MAP3K5: variants seen among roughly 807,000 people sequenced by gnomAD.
MAP3K5 encodes mitogen-activated protein kinase kinase kinase 5, also known as ASK-1.
A neutral mutation model predicts 158.7 loss-of-function variants in MAP3K5; 56 were observed. The observed-to-expected ratio is 0.35, with a 90% CI of 0.28 to 0.44. The LOEUF (loss-of-function observed/expected upper bound fraction) is 0.44, where lower values mean the gene tolerates loss of function less well. Among genes scored for constraint, MAP3K5 ranks in the 20% least tolerant of loss-of-function variants. The probability of loss-of-function intolerance (pLI) is 1.00; values close to 1 mark genes in which losing one functional copy is unlikely to be tolerated. For missense variants in MAP3K5, 1,294 were observed against 1,674.8 expected (o/e 0.77, Z 3.97); for synonymous variants, 579 against 601.7 (o/e 0.96, Z 0.55).
chr6:136,772,800 G>A (rs1784261423), intron 1 of MAP3K5, among the ~76,000 whole-genome samples: 1 of 152,196 alleles, frequency 6.6e-6, no homozygotes, highest in Non-Finnish European at 1.5e-5. Context: ...TCAAGTGGTT[G>A]AGAAAACAAG....
rs1238107071 is a variant in MAP3K5, at chr6:136,656,354, A to G, written c.1633T>C (p.Phe545Leu). 1 of 1,614,008 alleles carries G rather than the reference A, an allele frequency of 6.2e-7. No individual in the cohort carries two copies. Among genetic ancestry groups the G allele is most frequent in the Admixed American group, 1.7e-5 (1 of 60,012 alleles). ...TCTGTCTTTGTGGCCTCGACCAGGA[A>G]ATCCATCCAAAAGTCCACAAGTTCT... Reference protein sequence around the residue: ...KQELVDFWMDFLVEATKTDVT... With the variant: ...KQELVDFWMDLLVEATKTDVT... Residue 545 changes from phenylalanine to leucine, a missense_variant, in exon 10 of 30, where the codon TTC (phenylalanine) becomes CTC (leucine). Transcript: ENST00000359015.
chr6:136,610,729 G>A (rs1776299057), intron 18 of MAP3K5, among the ~76,000 whole-genome samples: 1 of 151,112 alleles, frequency 6.6e-6, no homozygotes, highest in Non-Finnish European at 1.5e-5. Flanking sequence ...CATTAAGCAG[G>A]AGACTAACTA....
chr6:136,590,298 T>C (rs1330465226), intron 23 of MAP3K5, among the ~76,000 whole-genome samples: 1 of 152,132 alleles, frequency 6.6e-6, no homozygotes, highest in Non-Finnish European at 1.5e-5. Context: ...TATTCTATTA[T>C]AGCAACAGAA....
At chr6:136,725,503 T>C (rs985187321) in intron 1 of MAP3K5, among the ~76,000 whole-genome samples, 23 of 152,234 alleles carry the variant, frequency 1.5e-4, no homozygotes, top group Non-Finnish European at 3.2e-4. Context: ...GTATATCTTA[T>C]TTGGTTAAGT....
chr6:136,588,125 C>G (rs999121054), intron 23 of MAP3K5, among the ~76,000 whole-genome samples: 2 of 152,306 alleles, frequency 1.3e-5, no homozygotes, highest in Middle Eastern at 3.4e-3. Context: ...ACAGGAGAGG[C>G]CTTCACTCTG....
At chr6:136,737,076 T>C (rs1160491893) in intron 1 of MAP3K5, among the ~76,000 whole-genome samples, 1 of 147,292 alleles carries the variant, frequency 6.8e-6, no homozygotes, top group East Asian at 2.0e-4. Context: ...TGTGATTATA[T>C]AAATGTCTCT....
At chr6:136,725,743 G>A (rs540504133) in intron 1 of MAP3K5, among the ~76,000 whole-genome samples, 42 of 152,158 alleles carry the variant, frequency 2.8e-4, no homozygotes, top group African/African-American at 9.9e-4. Flanking sequence ...TGTGCTTCAG[G>A]TGTGGTATTG....
chr6:136,780,380 G>A (rs945970914), intron 1 of MAP3K5, among the ~76,000 whole-genome samples: 3 of 152,074 alleles, frequency 2.0e-5, no homozygotes, highest in African/African-American at 7.2e-5. Context: ...GCATCTATTA[G>A]CAAATTCATT....
chr6:136,560,887 C>T (rs1830477584), intron 28 of MAP3K5, among the ~76,000 whole-genome samples: 1 of 150,988 alleles, frequency 6.6e-6, no homozygotes, highest in Non-Finnish European at 1.5e-5. Context: ...GTCAAGGCTG[C>T]AGGGAGCTAT....
intron 1 of MAP3K5, among the ~76,000 whole-genome samples, chr6:136,742,478 C>T (rs1190547276): frequency 6.6e-6 from 1 of 151,216 alleles, no homozygotes. Context: ...AGATACAGAC[C>T]TTACACCCTC....
At position 136,590,472 on chromosome 6, in the gene MAP3K5, T is replaced by A. The variant is rs1270827020; in HGVS notation, c.3225+1701A>T. Reference sequence around the variant, plus strand: ...CAATGTTGTTTCCTTCTAACCTTGATGAGAAAAAAAAGAATTGATTCCTGG... The same window carrying A: ...CAATGTTGTTTCCTTCTAACCTTGAAGAGAAAAAAAAGAATTGATTCCTGG... On this transcript the variant is annotated intron_variant, in intron 23 of 29. Transcript: ENST00000359015. Among the ~76,000 whole-genome samples the A allele has an allele frequency of 2.6e-5, 4 of 151,734 alleles. No individual in the cohort carries two copies. In the East Asian group the frequency reaches 7.7e-4, roughly 29 times the overall value.
chr6:136,587,273 A>C (rs894319689), intron 23 of MAP3K5, among the ~76,000 whole-genome samples: 2 of 152,234 alleles, frequency 1.3e-5, no homozygotes, highest in African/African-American at 4.8e-5. Context: ...GAAACAATAC[A>C]ATGGCAATAA....
rs1393703680 is a variant in MAP3K5, at chr6:136,627,527, G to A, written c.2017-4546C>T. Among the ~76,000 whole-genome samples, 3 of 152,252 alleles carry A rather than the reference G, an allele frequency of 2.0e-5. No homozygotes were observed. The East Asian group carries it at 5.8e-4, about 29-fold the overall frequency. On this transcript the variant is annotated intron_variant, in intron 14 of 29. Coordinates refer to ENST00000359015, the MANE Select transcript of MAP3K5 (RefSeq NM_005923.4). ...CCCCTCTTCAGCGCCCTCAAAATCT[G>A]TATGTTGAAACCGAATCACAATGTA... is the stretch of plus-strand genomic sequence containing the variant.
chr6:136,623,523 AT>A (rs563953984), intron 14 of MAP3K5, among the ~76,000 whole-genome samples: 27 of 152,192 alleles, frequency 1.8e-4, no homozygotes, highest in African/African-American at 5.1e-4. Context: ...ACCCAAAAAC[AT>A]TTTTTTAAGT....
intron 23 of MAP3K5, among the ~76,000 whole-genome samples, chr6:136,586,469 T>C (rs1396835071): frequency 6.6e-6 from 1 of 152,262 alleles, no homozygotes; most frequent in African/African-American, 2.4e-5. Flanking sequence ...GACTATTTCA[T>C]CTACTTACGT....
Position 136,611,215 on chromosome 6 carries a change from T to C in MAP3K5, c.2521+67A>G, listed in dbSNP as rs1776330171. On this transcript the variant is annotated intron_variant, in intron 18 of 29. Coordinates refer to ENST00000359015, the MANE Select transcript of MAP3K5 (RefSeq NM_005923.4). ...ACACCAACTGAATTTCTCTCTCACA[T>C]TGTGCTCAAACTCAGCAATTATTTC... 1.3e-5 allele frequency: 12 copies of C among 905,642 alleles called. No homozygotes were observed. In the Middle Eastern group the frequency reaches 6.6e-4, roughly 49 times the overall value. 56.1% of individuals were successfully genotyped at this position (905,642 alleles called of 1,614,324 possible).
chr6:136,688,447 A>G (rs1780249201), intron 7 of MAP3K5, among the ~76,000 whole-genome samples: 1 of 152,176 alleles, frequency 6.6e-6, no homozygotes, highest in Non-Finnish European at 1.5e-5. Flanking sequence ...GAAATCTTTG[A>G]GCTCTAACAC....
intron 12 of MAP3K5, among the ~76,000 whole-genome samples, chr6:136,642,068 AAT>A (rs1199609263): frequency 1.4e-5 from 2 of 143,634 alleles, no homozygotes; most frequent in African/African-American, 2.8e-5. Context: ...AATAAAATAA[AAT>A]AAAATAAAAT....
intron 25 of MAP3K5, among the ~76,000 whole-genome samples, chr6:136,575,227 T>C (rs148710911): frequency 6.7e-6 from 1 of 150,170 alleles, no homozygotes; most frequent in African/African-American, 2.5e-5. Context: ...AGTGGTGCAA[T>C]CTCAGCTCAC....
Sources: allele counts gnomAD v4.1 joint callset (sites outside exome capture counted in the v4.1 genomes callset), GRCh38; gene constraint gnomAD v4.1.1; transcripts MANE v1.5; gene names NCBI Gene and HGNC (gene_info 2026-07-23, HGNC 2026-07-21).